DCC: variants seen among roughly 807,000 people sequenced by gnomAD.
DCC encodes DCC netrin 1 receptor.
DCC carries 58 observed loss-of-function variants against 172.5 expected under a neutral mutation model. The observed-to-expected ratio is 0.34, with a 90% CI of 0.27 to 0.42. The LOEUF is 0.42. DCC is among the 10% of genes least tolerant of loss of function. The probability of loss-of-function intolerance (pLI) is 1.00; values close to 1 mark genes in which losing one functional copy is unlikely to be tolerated. For synonymous variants in DCC, 709 were observed against 644.5 expected, an observed-to-expected ratio of 1.10 and a Z score of -1.52; for missense variants, 1,740 against 1,791.0, an observed-to-expected ratio of 0.97 and a Z score of 0.51.
Position 53,322,117 on chromosome 18 carries a change from C to A in DCC, c.2124C>A (p.Ser708=), listed in dbSNP as rs1184969981. The A allele has an allele frequency of 6.2e-7, 1 of 1,601,352 alleles. No individual in the cohort carries two copies. Among genetic ancestry groups the A allele is most frequent in the African/African-American group, 1.3e-5 (1 of 74,754 alleles). The part of the protein sequence containing the change: ...AMTVNGTGPP[S]NWYTAETPEN... ...CAGTCAATGGTACTGGACCACCTTCCAACTGGTATACTGCAGAGACTCCAG... is the reference window on the plus strand; with the variant it reads ...CAGTCAATGGTACTGGACCACCTTCAAACTGGTATACTGCAGAGACTCCAG... The change falls in exon 14 of 29, where the codon TCC becomes TCA. Residue 708 remains serine, a synonymous_variant. Coordinates refer to ENST00000442544, the MANE Select transcript of DCC (RefSeq NM_005215.4).
In DCC at chr18:53,206,332, CAT is replaced by C. The variant is rs1333889028; in HGVS notation, c.1722+973_1722+974del. Among the ~76,000 whole-genome samples, 179 of 81,272 alleles carry C rather than the reference CAT, an allele frequency of 2.2e-3. 1 individual carries two copies. Among genetic ancestry groups the C allele is most frequent in the African/African-American group, 7.2e-3 (153 of 21,398 alleles). The allele number at this position is 81,272 out of a possible 152,430, so 53.3% of individuals were successfully genotyped here. ...ATATATACATATATGTATTGTAACA[CAT>C]ATATGTATATATGTATATATACATA... On this transcript the variant is annotated intron_variant, in intron 10 of 28. Coordinates refer to ENST00000442544, the MANE Select transcript of DCC (RefSeq NM_005215.4).
chr18:53,427,939 T>C lies in DCC; in HGVS notation c.3164-7205T>C, dbSNP rs1213688896. On this transcript the variant is annotated intron_variant, in intron 21 of 28. Transcript: ENST00000442544. The stretch of plus-strand genomic sequence containing the variant: ...TAATATAATATATAATATAATATAA[T>C]ATATTATAATATATAATATAATAAT... Among the ~76,000 whole-genome samples, 3 of 40,428 alleles carry C rather than the reference T, an allele frequency of 7.4e-5. No individual in the cohort carries two copies. In the South Asian group the frequency reaches 1.6e-3, roughly 21 times the overall value. 26.5% of individuals were successfully genotyped at this position (40,428 alleles called of 152,430 possible). A position where few individuals can be genotyped will look rare whatever the true frequency, so the allele number is the denominator to read the frequency against.
chr18:52,378,031 G>GTTCTT (rs1175293307), intron 1 of DCC, among the ~76,000 whole-genome samples: 22 of 151,612 alleles, frequency 1.5e-4, no homozygotes, highest in Admixed American at 1.3e-3. Flanking sequence ...TTTTCCCTTG[G>GTTCTT]TTTTCTAGGA....
intron 1 of DCC, among the ~76,000 whole-genome samples, chr18:52,659,508 T>G (rs1029695355): frequency 6.6e-5 from 10 of 152,288 alleles, no homozygotes; most frequent in Middle Eastern, 3.4e-3. Context: ...CTTCACTGAC[T>G]TAAGCTATTT....
At chr18:53,421,335 C>T (rs1910635390) in intron 21 of DCC, among the ~76,000 whole-genome samples, 1 of 152,106 alleles carries the variant, frequency 6.6e-6, no homozygotes, top group South Asian at 2.1e-4. Flanking sequence ...TTAAAGTGGG[C>T]AGGATTCTCA....
chr18:52,394,503 C>T (rs1404992278), intron 1 of DCC, among the ~76,000 whole-genome samples: 2 of 151,890 alleles, frequency 1.3e-5, no homozygotes. Flanking sequence ...TTTCCAACTC[C>T]TGGTCTCAGG....
intron 1 of DCC, among the ~76,000 whole-genome samples, chr18:52,418,301 A>G (rs1987117792): frequency 6.6e-6 from 1 of 152,162 alleles, no homozygotes; most frequent in Non-Finnish European, 1.5e-5. Flanking sequence ...ATTTTTACCT[A>G]GTAAAAGCCA....
chr18:53,447,432 C>T (rs999916994), intron 22 of DCC, among the ~76,000 whole-genome samples: 1 of 152,126 alleles, frequency 6.6e-6, no homozygotes, highest in African/African-American at 2.4e-5. Context: ...TCCTCATGAA[C>T]CCCGACTCTC....
chr18:52,721,323 G>A (rs2036470797), intron 1 of DCC, among the ~76,000 whole-genome samples: 1 of 152,042 alleles, frequency 6.6e-6, no homozygotes, highest in Non-Finnish European at 1.5e-5. Context: ...TTTAATGTTG[G>A]GCTGTTCCTT....
chr18:52,432,423 C>G (rs529228184), intron 1 of DCC, among the ~76,000 whole-genome samples: 1 of 152,228 alleles, frequency 6.6e-6, no homozygotes, highest in African/African-American at 2.4e-5. Flanking sequence ...CAAGAGGGAC[C>G]AAATAAAGGA....
At chr18:52,807,021 T>A (rs1411565224) in intron 2 of DCC, among the ~76,000 whole-genome samples, 1 of 152,130 alleles carries the variant, frequency 6.6e-6, no homozygotes, top group African/African-American at 2.4e-5. Flanking sequence ...GGTGAAACCG[T>A]ATCTCTACTA....
chr18:53,279,781 G>A (rs959065858), intron 12 of DCC, among the ~76,000 whole-genome samples: 2 of 151,974 alleles, frequency 1.3e-5, no homozygotes, highest in African/African-American at 2.4e-5. Flanking sequence ...CATATTCTTG[G>A]CCGCAACATG....
chr18:52,648,464 A>C (rs1005172435), intron 1 of DCC, among the ~76,000 whole-genome samples: 1 of 152,202 alleles, frequency 6.6e-6, no homozygotes, highest in Non-Finnish European at 1.5e-5. Flanking sequence ...TCGCGTAACT[A>C]TGTGTGGAAG....
chr18:53,091,666 C>G (rs752082289), intron 7 of DCC, among the ~76,000 whole-genome samples: 4 of 151,608 alleles, frequency 2.6e-5, no homozygotes, highest in Non-Finnish European at 4.4e-5. Context: ...AGCACAAATT[C>G]TATTTATAAG....
chr18:52,528,904 T>C lies in DCC; in HGVS notation c.91+188026T>C, dbSNP rs1598890095. Among the ~76,000 whole-genome samples, 3 of 152,232 alleles carry C rather than the reference T, an allele frequency of 2.0e-5. No individual in the cohort carries two copies. In the South Asian group the frequency reaches 6.2e-4, roughly 32 times the overall value. Reference sequence around the variant, plus strand: ...GTTAGGCCACCAGTTATCATATAGATTTGCTACACTTGAGTTACATGCCCA... The same window carrying C: ...GTTAGGCCACCAGTTATCATATAGACTTGCTACACTTGAGTTACATGCCCA... On this transcript the variant is annotated intron_variant, in intron 1 of 28. Coordinates refer to ENST00000442544, the MANE Select transcript of DCC (RefSeq NM_005215.4).
rs547135763 is a variant in DCC at position 53,461,246 on chromosome 18, A to T, written c.3619+1788A>T. Among the ~76,000 whole-genome samples the T allele has an allele frequency of 1.1e-4, 16 of 151,086 alleles. No individual in the cohort carries two copies. The East Asian group carries it at 2.9e-3, about 28-fold the overall frequency. The stretch of plus-strand genomic sequence containing the variant: ...TTTTGTAGGTTGCCTGTTCACTCTG[A>T]TGGTAGTTTCTTTTGCTGTGCAGAA... On this transcript the variant is annotated intron_variant, in intron 24 of 28. Coordinates refer to ENST00000442544, the MANE Select transcript of DCC (RefSeq NM_005215.4).
intron 2 of DCC, among the ~76,000 whole-genome samples, chr18:52,770,578 T>C (rs10469015): frequency 0.11 from 16,928 of 152,218 alleles, 3,113 homozygotes; most frequent in African/African-American, 0.38. Context: ...CACAGTATTA[T>C]AGTGTCTGAA....
intron 1 of DCC, among the ~76,000 whole-genome samples, chr18:52,600,223 C>T (rs1036115089): frequency 1.3e-5 from 2 of 152,190 alleles, no homozygotes; most frequent in African/African-American, 4.8e-5. Context: ...CCCACACCTA[C>T]ATTGATAACT....
At chr18:53,513,043 G>A (rs1394421115) in intron 27 of DCC, among the ~76,000 whole-genome samples, 4 of 152,156 alleles carry the variant, frequency 2.6e-5, no homozygotes, top group Non-Finnish European at 5.9e-5. Context: ...AGGAAAAAAT[G>A]TTAAGGGAAG....
Sources: gnomAD v4.1 joint callset for allele counts (sites outside exome capture counted in the v4.1 genomes callset) on GRCh38, gnomAD v4.1.1 for gene constraint, MANE v1.5 for transcripts, NCBI Gene and HGNC (gene_info 2026-07-23, HGNC 2026-07-21) for gene names.